Variants in TRIM49B observed in about 807,000 individuals in gnomAD.
The protein encoded by TRIM49B is putative tripartite motif-containing protein 49B.
A neutral mutation model predicts 31.8 loss-of-function variants in TRIM49B; 18 were observed. The observed-to-expected ratio is 0.57, with a 90% confidence interval of 0.39 to 0.84. TRIM49B has a LOEUF of 0.84. Among genes scored for constraint, TRIM49B ranks in the 40% least tolerant of loss-of-function variants. TRIM49B has a pLI of 0.00. For missense variants in TRIM49B, 494 were observed against 538.7 expected (o/e 0.92, Z 0.82); for synonymous variants, 196 against 180.6 (o/e 1.09, Z -0.68).
chr11:49,037,686 T>G lies in TRIM49B; in HGVS notation c.1068T>G (p.Gly356=), dbSNP rs1393433790. Residue 356 remains glycine (G), a synonymous_variant, in exon 7 of 7, where the codon GGT becomes GGG. Transcript: ENST00000332682. ...HVGDSWNWAF[G]VCNMYWKEKN... ...GGGACTCCTGGAATTGGGCTTTTGG[T>G]GTCTGTAATATGTATTGGAAAGAGA... 1.2e-6 allele frequency: 2 copies of G among 1,613,956 alleles called. No homozygotes were observed. The highest frequency in any genetic ancestry group is 8.5e-7 in the Non-Finnish European group (1 of 1,179,866).
intron 4 of TRIM49B, 150 bp downstream of exon 4, chr11:49,034,526 T>C: frequency 6.5e-7 from 1 of 1,548,792 alleles, no homozygotes; most frequent in Non-Finnish European, 8.8e-7. Context: ...TGGGAGAGTA[T>C]AGCCCCACTA....
Position 49,031,841 on chromosome 11 carries a change from G to C in TRIM49B, c.242G>C (p.Ser81Thr). The change falls in exon 2 of 7, where the codon AGT becomes ACT. Residue 81 changes from serine (S) to threonine (T), a missense_variant. Physicochemically the swap from Ser to Thr is moderately conservative, Grantham distance 58. This residue lies in a region of TRIM49B where 251 missense variants were observed against 232.8 expected (regional missense o/e 1.08). Transcript: ENST00000332682. ...KKMASLARKV[S>T]LWLFLSSEEQ... Reference sequence around the variant, plus strand: ...ATGGCTTCTCTTGCTAGAAAAGTCAGTCTCTGGCTATTCCTGAGCTCTGAG... The same window carrying C: ...ATGGCTTCTCTTGCTAGAAAAGTCACTCTCTGGCTATTCCTGAGCTCTGAG... 1 of 1,613,952 alleles carries C rather than the reference G, an allele frequency of 6.2e-7. No individual in the cohort carries two copies. The highest frequency in any genetic ancestry group is 1.7e-5 in the Admixed American group (1 of 60,008).
At chr11:49,035,189 T>A (rs1854506896) in intron 5 of TRIM49B, 72 bp downstream of exon 5, 2 of 1,598,876 alleles carry the variant, frequency 1.3e-6, no homozygotes, top group South Asian at 1.1e-5. Flanking sequence ...TTTATTAAAG[T>A]CATGGCATAA....
intron 5 of TRIM49B, among the ~76,000 whole-genome samples, chr11:49,035,423 G>A (rs28565499): frequency 7.5e-6 from 1 of 133,234 alleles, no homozygotes; most frequent in Admixed American, 8.6e-5. Flanking sequence ...GCAATGGCGC[G>A]ATCTCGGCTC....
chr11:49,032,657 C>T (rs1468081604), intron 3 of TRIM49B, among the ~76,000 whole-genome samples: 1 of 151,884 alleles, frequency 6.6e-6, no homozygotes, highest in Non-Finnish European at 1.5e-5. Context: ...ACTGGGCCAT[C>T]GCACAGCATT....
Position 49,032,273 on chromosome 11 carries a change from C to T in TRIM49B, c.412-3C>T. On this transcript the variant is annotated splice_region_variant and splice_polypyrimidine_tract_variant and intron_variant, in intron 2 of 6. Coordinates refer to ENST00000332682, the MANE Select transcript of TRIM49B (RefSeq NM_001206626.2). ...GGTGCTTCAATTTATGGCTCTTTTG[C>T]AGGAGAAGCTTTTACAGAAAATGCA... is the stretch of plus-strand genomic sequence containing the variant. 9.9e-6 allele frequency: 16 copies of T among 1,612,666 alleles called. No homozygotes were observed. Among genetic ancestry groups the T allele is most frequent in the Non-Finnish European group, 1.4e-5 (16 of 1,179,776 alleles).
At chr11:49,036,110 G>C (rs1196575167) in intron 5 of TRIM49B, among the ~76,000 whole-genome samples, 191 bp from the exon 6 acceptor site, 2 of 151,988 alleles carry the variant, frequency 1.3e-5, no homozygotes, top group Non-Finnish European at 2.9e-5. Context: ...ATTGAATTCT[G>C]GCTTAGATTC....
At chr11:49,029,874 AC>A (rs975626865) in intron 1 of TRIM49B, among the ~76,000 whole-genome samples, 3 of 152,196 alleles carry the variant, frequency 2.0e-5, no homozygotes, top group African/African-American at 7.2e-5. Flanking sequence ...ATGTTTAGAT[AC>A]ACAAATAGTT....
rs538255278 is a variant in TRIM49B, at chr11:49,034,126, C to A, written c.508-20C>A. 275 of 1,611,572 alleles carry A rather than the reference C, an allele frequency of 1.7e-4. 3 individuals carry two copies. The South Asian group carries it at 2.8e-3, about 16-fold the overall frequency. Reference sequence around the variant, plus strand: ...ATGGATATATACATTTCTCTTTTGACTAACCCATTATCACTGCAGGATTAT... The same window carrying A: ...ATGGATATATACATTTCTCTTTTGAATAACCCATTATCACTGCAGGATTAT... On this transcript the variant is annotated intron_variant, in intron 3 of 6. Coordinates refer to ENST00000332682, the MANE Select transcript of TRIM49B (RefSeq NM_001206626.2).
At chr11:49,035,214 T>A in intron 5 of TRIM49B, 97 bp downstream of exon 5, 1 of 1,572,520 alleles carries the variant, frequency 6.4e-7, no homozygotes, top group Non-Finnish European at 8.6e-7. Context: ...ATGGCATAAA[T>A]AATTAAGATA....
intron 5 of TRIM49B, 34 bp from the exon 6 acceptor site, chr11:49,036,267 T>C (rs1258281841): frequency 6.3e-7 from 1 of 1,579,074 alleles, no homozygotes; most frequent in Non-Finnish European, 8.6e-7. Context: ...ATTTTATGGC[T>C]GTAGATGTTG....
chr11:49,035,065 C>G (rs1321623921), intron 4 of TRIM49B, 30 bp from the exon 5 acceptor site: 4 of 1,543,464 alleles, frequency 2.6e-6, no homozygotes, highest in Middle Eastern at 1.8e-4. Context: ...GTGAAATGCA[C>G]TAAATCTCTC....
chr11:49,031,863 T>C lies in TRIM49B; in HGVS notation c.264T>C (p.Ser88=), dbSNP rs1854453450. The C allele has an allele frequency of 1.2e-5, 19 of 1,613,684 alleles. No individual in the cohort carries two copies. Among genetic ancestry groups the C allele is most frequent in the Non-Finnish European group, 1.6e-5 (19 of 1,179,884 alleles). Residue 88 remains serine, a synonymous_variant, in exon 2 of 7, where the codon TCT becomes TCC. Coordinates refer to ENST00000332682, the MANE Select transcript of TRIM49B (RefSeq NM_001206626.2). ...TCAGTCTCTGGCTATTCCTGAGCTC[T>C]GAGGAGCAAATGTGTGGCACTCACA... ...RKVSLWLFLS[S]EEQMCGTHRE...
intron 2 of TRIM49B, 87 bp downstream of exon 2, chr11:49,032,097 C>T: frequency 6.2e-7 from 1 of 1,607,474 alleles, no homozygotes; most frequent in African/African-American, 1.3e-5. Context: ...ATAAAACAAA[C>T]TCTGAGTCCC....
At chr11:49,035,526 A>G (rs1171680177) in intron 5 of TRIM49B, among the ~76,000 whole-genome samples, 1 of 151,230 alleles carries the variant, frequency 6.6e-6, no homozygotes, top group Non-Finnish European at 1.5e-5. Context: ...CACCCGGCTA[A>G]TTTTTTGTAT....
intron 1 of TRIM49B, among the ~76,000 whole-genome samples, chr11:49,031,232 A>G (rs921816606): frequency 3.9e-5 from 6 of 151,990 alleles, no homozygotes; most frequent in Admixed American, 3.9e-4. Flanking sequence ...CCACTCTTTC[A>G]TAGTCATTCA....
At position 49,038,023 on chromosome 11, in the gene TRIM49B, T is replaced by C. The variant is rs748384662; in HGVS notation, c.*46T>C. ...TGTTCACATGCTGTGGGAACCCCTT[T>C]ATCCCAGGAAGTCCTCTTCCTTGTG... On this transcript the variant is annotated 3_prime_UTR_variant, in exon 7 of 7. Transcript: ENST00000332682. 5 of 1,579,006 alleles carry C rather than the reference T, an allele frequency of 3.2e-6. No individual in the cohort carries two copies. In the Admixed American group the frequency reaches 9.3e-5, roughly 29 times the overall value.
Position 49,034,175 on chromosome 11 carries a change from T to C in TRIM49B, c.537T>C (p.Ile179=), listed in dbSNP as rs746325135. 1 of 1,611,896 alleles carries C rather than the reference T, an allele frequency of 6.2e-7. No homozygotes were observed. Among genetic ancestry groups the C allele is most frequent in the Non-Finnish European group, 8.5e-7 (1 of 1,179,796 alleles). The part of the protein sequence containing the change: ...KDYVNLRLEA[I]RAEYQKMPAF... ...ATGTGAATTTAAGGCTAGAAGCAAT[T>C]AGAGCTGAGTATCAGAAGATGCCTG... is the stretch of plus-strand genomic sequence containing the variant. Residue 179 remains isoleucine (I), a synonymous_variant, in exon 4 of 7, where the codon ATT becomes ATC. Coordinates refer to ENST00000332682, the MANE Select transcript of TRIM49B (RefSeq NM_001206626.2).
At chr11:49,035,234 C>T in intron 5 of TRIM49B, 117 bp downstream of exon 5, 1 of 1,453,784 alleles carries the variant, frequency 6.9e-7, no homozygotes, top group East Asian at 2.7e-5. Flanking sequence ...ATTGATACCA[C>T]TTTTTTTTTG....
Sources: gnomAD v4.1 joint callset for allele counts (sites outside exome capture counted in the v4.1 genomes callset) on GRCh38, gnomAD v4.1.1 for gene constraint, gnomAD v4.1.1 regional missense constraint, MANE v1.5 for transcripts, NCBI Gene and HGNC (gene_info 2026-07-23, HGNC 2026-07-21) for gene names.